The following RANBP17 variants were observed in gnomAD, a reference collection of about 807,000 sequenced individuals.
RANBP17 encodes the protein RAN binding protein 17.
A neutral mutation model predicts 141.2 loss-of-function variants in RANBP17; 158 were observed. The ratio of observed to expected loss-of-function variants is 1.12; its 90% CI spans 0.98 to 1.28. RANBP17 has a LOEUF of 1.28. RANBP17 is among the 50% of genes most tolerant of loss of function. The probability of loss-of-function intolerance (pLI) is 0.00; values close to 1 mark genes in which losing one functional copy is unlikely to be tolerated. For synonymous variants in RANBP17, 430 were observed against 450.0 expected (o/e 0.96, Z 0.56); for missense variants, 1,438 against 1,290.7 (o/e 1.11, Z -1.75).
intron 1 of RANBP17, 73 bp from the exon 2 acceptor site, chr5:170,878,024 C>T (rs1478518677): frequency 4.6e-6 from 5 of 1,082,202 alleles, no homozygotes; most frequent in Admixed American, 5.3e-5. Context: ...ATTTGTATCC[C>T]TTGTTTTTTG....
At chr5:171,208,146 G>A (rs1292906620) in intron 20 of RANBP17, among the ~76,000 whole-genome samples, 1 of 152,180 alleles carries the variant, frequency 6.6e-6, no homozygotes, top group East Asian at 1.9e-4. Context: ...GAAACATCCT[G>A]TAAGAGCACA....
At chr5:171,218,657 G>A (rs116786877) in intron 21 of RANBP17, among the ~76,000 whole-genome samples, 1,594 of 151,804 alleles carry the variant, frequency 0.011, 24 homozygotes, top group African/African-American at 0.037. Context: ...ATTATATAAC[G>A]CCCTTCGTTG....
chr5:171,068,969 T>C (rs1361481034), intron 14 of RANBP17, among the ~76,000 whole-genome samples: 1 of 152,216 alleles, frequency 6.6e-6, no homozygotes, highest in African/African-American at 2.4e-5. Flanking sequence ...ATCCTTGTCA[T>C]GTTTTTGCGA....
rs189568677 is a variant in RANBP17, at chr5:171,140,269, A to G, written c.1711-29861A>G. On this transcript the variant is annotated intron_variant, in intron 14 of 27. Transcript: ENST00000523189. ...TAAATTAATATCTGTCTCTTTCACT[A>G]GAACTGTAACTTCCATGAGGATAGG... Among the ~76,000 whole-genome samples the G allele has an allele frequency of 2.2e-4, 33 of 152,336 alleles. No homozygotes were observed. The East Asian group carries it at 6.0e-3, about 28-fold the overall frequency.
At chr5:171,023,116 A>T (rs961859772) in intron 14 of RANBP17, among the ~76,000 whole-genome samples, 2 of 152,160 alleles carry the variant, frequency 1.3e-5, no homozygotes, top group African/African-American at 4.8e-5. Flanking sequence ...GTCAGTTCTG[A>T]TGAGAGAACC....
intron 16 of RANBP17, among the ~76,000 whole-genome samples, chr5:171,182,423 T>G (rs1378575869): frequency 6.6e-6 from 1 of 152,226 alleles, no homozygotes; most frequent in Non-Finnish European, 1.5e-5. Flanking sequence ...GATAATGTGG[T>G]ACAGCAGAAA....
At chr5:170,951,288 C>A (rs1436173373) in intron 12 of RANBP17, among the ~76,000 whole-genome samples, 1 of 152,068 alleles carries the variant, frequency 6.6e-6, no homozygotes, top group Non-Finnish European at 1.5e-5. Flanking sequence ...AATACCCTGA[C>A]ATGATCATTA....
chr5:170,903,728 C>T (rs1770851701), intron 5 of RANBP17: 1 of 312,188 alleles, frequency 3.2e-6, no homozygotes, highest in East Asian at 8.4e-5. Context: ...AAGTCGACCT[C>T]ATAGTGAATT....
At chr5:171,117,684 G>A (rs571640125) in intron 14 of RANBP17, among the ~76,000 whole-genome samples, 1 of 152,012 alleles carries the variant, frequency 6.6e-6, no homozygotes, top group South Asian at 2.1e-4. Context: ...AGTAGAGATG[G>A]GGTTTCACCA....
At chr5:170,910,848 G>A in intron 6 of RANBP17, 121 bp from the exon 7 acceptor site, 1 of 960,662 alleles carries the variant, frequency 1.0e-6, no homozygotes, top group Non-Finnish European at 1.5e-6. Flanking sequence ...ATATGGAACA[G>A]TATAACTTTG....
intron 14 of RANBP17, among the ~76,000 whole-genome samples, chr5:171,048,478 CT>C (rs57740312): frequency 7.7e-5 from 11 of 142,912 alleles, no homozygotes; most frequent in Non-Finnish European, 1.2e-4. Context: ...CTACCCTTTT[CT>C]TTTTTTTTTA....
At chr5:171,205,662 C>G (rs1355122559) in intron 20 of RANBP17, 50 bp downstream of exon 20, 1 of 1,440,360 alleles carries the variant, frequency 6.9e-7, no homozygotes, top group Non-Finnish European at 9.8e-7. Context: ...AGAGGGATGC[C>G]AGGCCCCTCG....
intron 14 of RANBP17, among the ~76,000 whole-genome samples, chr5:171,123,612 C>T (rs1019718774): frequency 3.3e-5 from 5 of 152,234 alleles, no homozygotes; most frequent in South Asian, 4.1e-4. Flanking sequence ...TTGGCACCCA[C>T]GTGCATTCCC....
At chr5:171,077,737 G>A in intron 14 of RANBP17, among the ~76,000 whole-genome samples, 1 of 152,238 alleles carries the variant, frequency 6.6e-6, no homozygotes, top group East Asian at 1.9e-4. Flanking sequence ...TTAAGTCACA[G>A]GAAAAGCACC....
intron 3 of RANBP17, among the ~76,000 whole-genome samples, chr5:170,885,421 T>A (rs138617662): frequency 6.6e-6 from 1 of 152,294 alleles, no homozygotes; most frequent in Non-Finnish European, 1.5e-5. Context: ...TCCTGGAGAT[T>A]TCTTCCTGAA....
intron 14 of RANBP17, among the ~76,000 whole-genome samples, chr5:171,071,625 T>C (rs140663362): frequency 1.3e-3 from 137 of 107,264 alleles, no homozygotes; most frequent in Non-Finnish European, 2.0e-3. Context: ...TTTCAATAAA[T>C]GGTACTGGAA....
At chr5:171,247,088 T>A (rs1029700875) in intron 24 of RANBP17, among the ~76,000 whole-genome samples, 1 of 152,180 alleles carries the variant, frequency 6.6e-6, no homozygotes, top group African/African-American at 2.4e-5. Flanking sequence ...AAGCTGTGGC[T>A]CAGAGAGGTG....
chr5:171,153,532 C>CA (rs1418904792), intron 14 of RANBP17, among the ~76,000 whole-genome samples: 6 of 152,266 alleles, frequency 3.9e-5, no homozygotes, highest in Non-Finnish European at 8.8e-5. Context: ...TAATGAGGCC[C>CA]ATGACTGATA....
chr5:170,992,727 A>G (rs565092178), intron 14 of RANBP17, among the ~76,000 whole-genome samples: 14 of 152,024 alleles, frequency 9.2e-5, no homozygotes, highest in Non-Finnish European at 1.9e-4. Context: ...GTGGGAGAGA[A>G]TGTCAGAGAG....
Sources: gnomAD v4.1 joint callset for allele counts (sites outside exome capture counted in the v4.1 genomes callset) on GRCh38, gnomAD v4.1.1 for gene constraint, MANE v1.5 for transcripts, NCBI Gene and HGNC (gene_info 2026-07-23, HGNC 2026-07-21) for gene names.